Variants in EIF4G3 observed in about 807,000 individuals in gnomAD.
EIF4G3 encodes the protein eukaryotic translation initiation factor 4 gamma 3.
In EIF4G3, 34 loss-of-function variants were observed where a neutral mutation model predicts 186.4. The observed-to-expected ratio is 0.18, with a 90% confidence interval of 0.14 to 0.24. The LOEUF is 0.24. Ranked by LOEUF, EIF4G3 falls within the 10% of genes least tolerant of loss-of-function variation. The probability of loss-of-function intolerance (pLI) is 1.00; values close to 1 mark genes in which losing one functional copy is unlikely to be tolerated. For synonymous variants in EIF4G3, 673 were observed against 679.5 expected (o/e 0.99, Z 0.15); for missense variants, 1,536 against 1,948.5 (o/e 0.79, Z 3.99).
At chr1:20,950,156 A>G (rs372510821) in intron 12 of EIF4G3, 45 bp from the exon 13 acceptor site, 82 of 1,432,700 alleles carry the variant, frequency 5.7e-5, no homozygotes, top group Non-Finnish European at 7.4e-5. Context: ...GCGTGCGAAC[A>G]TAAAAACTAG....
intron 7 of EIF4G3, among the ~76,000 whole-genome samples, chr1:20,991,569 TAA>T (rs11393266): frequency 4.2e-5 from 6 of 142,554 alleles, no homozygotes; most frequent in East Asian, 2.0e-4. Flanking sequence ...CTCTGTCTCA[TAA>T]AAAAAAAAAA....
intron 14 of EIF4G3, among the ~76,000 whole-genome samples, chr1:20,931,141 A>G (rs753664275): frequency 3.9e-5 from 6 of 152,108 alleles, no homozygotes; most frequent in Admixed American, 3.3e-4. Context: ...AAGGCAGAAG[A>G]AGGAAATGAA....
intron 2 of EIF4G3, among the ~76,000 whole-genome samples, chr1:21,164,709 A>G (rs1277667514): frequency 6.6e-6 from 1 of 152,000 alleles, no homozygotes; most frequent in African/African-American, 2.4e-5. Context: ...AAAATACAAA[A>G]AGTAGCTGGG....
At chr1:21,126,020 A>G (rs1237263935) in intron 2 of EIF4G3, among the ~76,000 whole-genome samples, 1 of 151,746 alleles carries the variant, frequency 6.6e-6, no homozygotes, top group South Asian at 2.1e-4. Context: ...CCTGGGCAAC[A>G]TGGCAAAACC....
intron 2 of EIF4G3, among the ~76,000 whole-genome samples, chr1:21,105,508 T>C (rs4654735): frequency 0.36 from 55,073 of 151,548 alleles, 10,647 homozygotes; most frequent in Non-Finnish European, 0.43. Context: ...CAAACCTGCA[T>C]ATATACCCCT....
intron 29 of EIF4G3, among the ~76,000 whole-genome samples, chr1:20,847,613 A>AT (rs2071589912): frequency 6.6e-6 from 1 of 152,056 alleles, no homozygotes; most frequent in South Asian, 2.1e-4. Flanking sequence ...GGCCATTCTA[A>AT]TTTTTTTGCA....
chr1:21,176,638 C>A, intron 1 of EIF4G3, 84 bp downstream of exon 1: 1 of 409,722 alleles, frequency 2.4e-6, no homozygotes, highest in Non-Finnish European at 4.4e-6. Flanking sequence ...CGCGGGCCAG[C>A]ACCACCGGCT....
chr1:20,857,715 C>G (rs550047211), intron 24 of EIF4G3, among the ~76,000 whole-genome samples: 1 of 152,186 alleles, frequency 6.6e-6, no homozygotes, highest in East Asian at 1.9e-4. Flanking sequence ...TATTTTGGAT[C>G]ACCCATGAAA....
At chr1:21,070,625 C>T (rs562779497) in intron 3 of EIF4G3, among the ~76,000 whole-genome samples, 1 of 152,198 alleles carries the variant, frequency 6.6e-6, no homozygotes, top group Admixed American at 6.5e-5. Flanking sequence ...AACTATATAA[C>T]CTACTAACAT....
intron 13 of EIF4G3, 53 bp downstream of exon 13, chr1:20,949,950 A>T (rs1445847775): frequency 7.0e-7 from 1 of 1,435,500 alleles, no homozygotes; most frequent in Non-Finnish European, 9.8e-7. Flanking sequence ...CGGCAATGTA[A>T]TTAATAAAAA....
At chr1:20,863,428 ACCTTTTTTTTTTTTTT>A (rs891612224) in intron 22 of EIF4G3, among the ~76,000 whole-genome samples, 13 of 131,232 alleles carry the variant, frequency 9.9e-5, no homozygotes, top group East Asian at 4.4e-4. Context: ...AGACCCTGTT[ACCTTTTTTTTTTTTTT>A]CCTTTTTTTT....
rs71014161 is a variant in EIF4G3 at position 21,151,236 on chromosome 1, CTTT to C, written c.-272+24936_-272+24938del. On this transcript the variant is annotated intron_variant, in intron 2 of 36. Transcript: ENST00000602326. ...TTTAATGGTTATATAGTATTTCTTT[CTTT>C]TTTTTTTTTTTTTTTTTGAGATGGA... 2.9e-4 allele frequency among the ~76,000 whole-genome samples: 23 copies of C among 80,436 alleles called. No homozygotes were observed. In the East Asian group the frequency reaches 8.5e-3, roughly 30 times the overall value. The allele number at this position is 80,436 out of a possible 152,430, so 52.8% of individuals were successfully genotyped here. A position where few individuals can be genotyped will look rare whatever the true frequency, so the allele number is the denominator to read the frequency against.
intron 2 of EIF4G3, among the ~76,000 whole-genome samples, chr1:21,141,551 T>G (rs957586450): frequency 1.3e-5 from 2 of 150,832 alleles, no homozygotes; most frequent in Non-Finnish European, 2.9e-5. Flanking sequence ...CTATTTTACA[T>G]TAAGAAAGTG....
intron 2 of EIF4G3, among the ~76,000 whole-genome samples, chr1:21,110,723 C>T (rs976544751): frequency 5.3e-5 from 7 of 131,204 alleles, no homozygotes; most frequent in South Asian, 4.9e-4. Context: ...TGAGGCACCA[C>T]GCCCAGCCTT....
intron 2 of EIF4G3, among the ~76,000 whole-genome samples, chr1:21,118,931 TAAAAAAAAAAA>T (rs35040627): frequency 4.6e-5 from 4 of 86,150 alleles, no homozygotes; most frequent in Non-Finnish European, 8.6e-5. Flanking sequence ...CAAGCTCTAT[TAAAAAAAAAAA>T]AAAAAAAAAA....
chr1:20,854,931 AT>A, intron 26 of EIF4G3, 46 bp downstream of exon 26: 1 of 1,522,724 alleles, frequency 6.6e-7, no homozygotes, highest in Admixed American at 1.7e-5. Flanking sequence ...TGTAAGGCAA[AT>A]GCTAACAAGC....
intron 19 of EIF4G3, among the ~76,000 whole-genome samples, chr1:20,883,374 T>G (rs2083042348): frequency 6.6e-6 from 1 of 152,026 alleles, no homozygotes; most frequent in South Asian, 2.1e-4. Flanking sequence ...ATCCCCGCAC[T>G]TTGGGAGGCC....
Position 21,176,894 on chromosome 1 carries a change from G to A in EIF4G3, c.-628C>T, listed in dbSNP as rs1239916675. On this transcript the variant is annotated 5_prime_UTR_variant, in exon 1 of 37. Coordinates refer to ENST00000602326, the MANE Select transcript of EIF4G3 (RefSeq NM_001391906.1). ...GCCGCCTCCAGCAGTCCGGCAGGAC[G>A]GCTGCTCGGAAAACTTCGGACTTTT... is the stretch of plus-strand genomic sequence containing the variant. 1.7e-5 allele frequency: 12 copies of A among 690,376 alleles called. No homozygotes were observed. The highest frequency in any genetic ancestry group is 1.3e-4 in the South Asian group (9 of 67,398). The allele number at this position is 690,376 out of a possible 1,614,324, so 42.8% of individuals were successfully genotyped here. A position where few individuals can be genotyped will look rare whatever the true frequency, so the allele number is the denominator to read the frequency against.
intron 33 of EIF4G3, among the ~76,000 whole-genome samples, chr1:20,824,068 CTTTGGGCAATA>C (rs2063039001): frequency 6.6e-6 from 1 of 152,222 alleles, no homozygotes; most frequent in South Asian, 2.1e-4. Context: ...GCTATGTGTC[CTTTGGGCAATA>C]TGCCCTTCAC....
Sources: allele counts gnomAD v4.1 joint callset (sites outside exome capture counted in the v4.1 genomes callset), GRCh38; gene constraint gnomAD v4.1.1; transcripts MANE v1.5; gene names NCBI Gene and HGNC (gene_info 2026-07-23, HGNC 2026-07-21).